The following PCDH9 variants were observed in gnomAD, a reference collection of about 807,000 sequenced individuals.
The protein encoded by PCDH9 is protocadherin-9.
In PCDH9, 24 loss-of-function variants were observed where a neutral mutation model predicts 70.6. The observed-to-expected ratio is 0.34, with a 90% confidence interval of 0.25 to 0.48. The LOEUF is 0.48. PCDH9 is among the 20% of genes least tolerant of loss of function. The pLI is 0.99. For synonymous variants in PCDH9, 562 were observed against 558.5 expected (o/e 1.01, Z -0.09); for missense variants, 1,281 against 1,503.6 (o/e 0.85, Z 2.45).
At chr13:67,136,779 A>G (rs1158865412) in intron 2 of PCDH9, among the ~76,000 whole-genome samples, 4 of 151,998 alleles carry the variant, frequency 2.6e-5, no homozygotes, top group Non-Finnish European at 5.9e-5. Context: ...TAGTTATGTT[A>G]TATATGAAAT....
chr13:67,153,762 T>G (rs1400130168), intron 2 of PCDH9, among the ~76,000 whole-genome samples: 2 of 152,224 alleles, frequency 1.3e-5, no homozygotes, highest in African/African-American at 4.8e-5. Context: ...GTGATTCTTT[T>G]ATTCACAGTT....
In PCDH9 at chr13:66,390,508, G is replaced by T. The variant is rs1956999433; in HGVS notation, c.3341-85480C>A. 1.3e-5 allele frequency among the ~76,000 whole-genome samples: 2 copies of T among 152,068 alleles called. 1 individual carries two copies. The highest frequency in any genetic ancestry group is 4.2e-4 in the South Asian group (2 of 4,814). On this transcript the variant is annotated intron_variant, in intron 4 of 4. Transcript: ENST00000377865. ...CTCAGCACTTTAGGAGGCCGAGTTG[G>T]GTGGATCACCTAAGGTCAGGAGTTC...
intron 3 of PCDH9, among the ~76,000 whole-genome samples, chr13:66,706,848 A>G (rs752899423): frequency 3.9e-5 from 6 of 152,196 alleles, no homozygotes; most frequent in Non-Finnish European, 7.3e-5. Context: ...CTGATCCTGA[A>G]GCCAAGAGTT....
intron 3 of PCDH9, among the ~76,000 whole-genome samples, chr13:66,696,305 A>T (rs953051426): frequency 2.0e-5 from 3 of 152,228 alleles, no homozygotes; most frequent in Non-Finnish European, 4.4e-5. Flanking sequence ...CCAACTCAAT[A>T]TTCAGTTATC....
chr13:66,790,994 C>G (rs2139318535), intron 3 of PCDH9, among the ~76,000 whole-genome samples: 2 of 152,186 alleles, frequency 1.3e-5, no homozygotes, highest in South Asian at 4.1e-4. Flanking sequence ...AATTTCTAAA[C>G]AGGCGATTTA....
Position 66,750,074 on chromosome 13 carries a change from C to G in PCDH9, c.3139-118663G>C, listed in dbSNP as rs182046648. Reference sequence around the variant, plus strand: ...GAGAAAGGTTTATTTCAATCTCTCTCTCACACACACACGTGCATGTGCACA... The same window carrying G: ...GAGAAAGGTTTATTTCAATCTCTCTGTCACACACACACGTGCATGTGCACA... On this transcript the variant is annotated intron_variant, in intron 3 of 4. Transcript: ENST00000377865. Among the ~76,000 whole-genome samples, 19 of 152,190 alleles carry G rather than the reference C, an allele frequency of 1.2e-4. No homozygotes were observed. In the East Asian group the frequency reaches 3.5e-3, roughly 28 times the overall value.
intron 2 of PCDH9, among the ~76,000 whole-genome samples, chr13:67,125,047 G>T (rs1253520741): frequency 6.6e-6 from 1 of 152,132 alleles, no homozygotes; most frequent in Non-Finnish European, 1.5e-5. Context: ...GAAAAAGTCT[G>T]GTTGTTCAAC....
chr13:66,937,859 G>A (rs2082942617), intron 2 of PCDH9, among the ~76,000 whole-genome samples: 1 of 151,212 alleles, frequency 6.6e-6, no homozygotes, highest in Non-Finnish European at 1.5e-5. Context: ...TGACCATGAG[G>A]TACCCCTGGA....
At chr13:66,671,139 G>A (rs748684833) in intron 3 of PCDH9, among the ~76,000 whole-genome samples, 1 of 152,112 alleles carries the variant, frequency 6.6e-6, no homozygotes, top group Non-Finnish European at 1.5e-5. Context: ...TCTCTTGCCA[G>A]CTGCCATATA....
At chr13:66,324,066 C>T (rs1476509868) in intron 4 of PCDH9, among the ~76,000 whole-genome samples, 1 of 152,032 alleles carries the variant, frequency 6.6e-6, no homozygotes, top group African/African-American at 2.4e-5. Context: ...CAATTTTGCT[C>T]TAGCTCCACC....
At chr13:66,495,920 C>A (rs1310869911) in intron 4 of PCDH9, among the ~76,000 whole-genome samples, 4 of 152,156 alleles carry the variant, frequency 2.6e-5, no homozygotes, top group African/African-American at 4.8e-5. Flanking sequence ...GACTGAGTTT[C>A]CTCTTCTGTG....
intron 2 of PCDH9, among the ~76,000 whole-genome samples, chr13:67,004,213 CATTA>C (rs1205057436): frequency 1.3e-5 from 2 of 151,872 alleles, no homozygotes; most frequent in African/African-American, 4.8e-5. Context: ...CAATATGATA[CATTA>C]ATTATCAGAT....
At chr13:66,808,773 T>C (rs1265923605) in intron 3 of PCDH9, among the ~76,000 whole-genome samples, 1 of 152,196 alleles carries the variant, frequency 6.6e-6, no homozygotes, top group Non-Finnish European at 1.5e-5. Flanking sequence ...GTGCAGACCC[T>C]AACCCAGTTG....
At chr13:66,729,350 T>C (rs1310013586) in intron 3 of PCDH9, among the ~76,000 whole-genome samples, 6 of 152,186 alleles carry the variant, frequency 3.9e-5, no homozygotes. Context: ...GTTAGTACAA[T>C]AGACAATCAA....
At chr13:67,064,906 A>AGAT (rs1457259243) in intron 2 of PCDH9, among the ~76,000 whole-genome samples, 2 of 150,536 alleles carry the variant, frequency 1.3e-5, no homozygotes, top group African/African-American at 4.8e-5. Context: ...ATAGATAGAT[A>AGAT]GATAGATAGA....
chr13:66,717,637 C>T (rs566586160), intron 3 of PCDH9, among the ~76,000 whole-genome samples: 6 of 151,398 alleles, frequency 4.0e-5, no homozygotes, highest in Admixed American at 3.3e-4. Flanking sequence ...TTTTGCAGAC[C>T]GCCTTTAACA....
chr13:66,464,128 T>C (rs1004752040), intron 4 of PCDH9, among the ~76,000 whole-genome samples: 5 of 151,848 alleles, frequency 3.3e-5, no homozygotes, highest in African/African-American at 4.8e-5. Flanking sequence ...CCTCTCATTA[T>C]GTGTATTTTC....
intron 3 of PCDH9, among the ~76,000 whole-genome samples, chr13:66,720,233 A>G (rs894254049): frequency 2.0e-5 from 3 of 151,626 alleles, no homozygotes; most frequent in African/African-American, 4.8e-5. Context: ...GCTCACTGCA[A>G]CCTCCAGGTT....
At position 66,958,226 on chromosome 13, in the gene PCDH9, G is replaced by A. The variant is rs79926536; in HGVS notation, c.3037-54621C>T. On this transcript the variant is annotated intron_variant, in intron 2 of 4. Transcript: ENST00000377865. ...TTGAAATGAAAGCTAATAATCAAGA[G>A]GATAATCCTGGAGACTGAGTATTAC... is the stretch of plus-strand genomic sequence containing the variant. Among the ~76,000 whole-genome samples, 508 of 152,276 alleles carry A rather than the reference G, an allele frequency of 3.3e-3. 5 individuals carry two copies. Among genetic ancestry groups the A allele is most frequent in the African/African-American group, 0.012 (492 of 41,552 alleles).
Sources: gnomAD v4.1 joint callset for allele counts (sites outside exome capture counted in the v4.1 genomes callset) on GRCh38, gnomAD v4.1.1 for gene constraint, MANE v1.5 for transcripts, NCBI Gene and HGNC (gene_info 2026-07-23, HGNC 2026-07-21) for gene names.